MSI2: variants seen among roughly 807,000 people sequenced by gnomAD.
MSI2 encodes the protein musashi RNA binding protein 2.
MSI2 carries 17 observed loss-of-function variants against 45.6 expected under a neutral mutation model. The ratio of observed to expected loss-of-function variants is 0.37; its 90% CI spans 0.26 to 0.56. MSI2 has a LOEUF of 0.56. MSI2 is among the 20% of genes least tolerant of loss of function. The pLI is 0.77. For missense variants in MSI2, 293 were observed against 444.2 expected (o/e 0.66, Z 3.06); for synonymous variants, 156 against 158.2 (o/e 0.99, Z 0.11).
intron 11 of MSI2, among the ~76,000 whole-genome samples, chr17:57,668,803 AT>A (rs1206082622): frequency 6.6e-6 from 1 of 152,130 alleles, no homozygotes; most frequent in African/African-American, 2.4e-5. Context: ...GTTTTAAAGT[AT>A]TTTCCCCCTT....
chr17:57,423,401 T>G (rs2143311948), intron 6 of MSI2, among the ~76,000 whole-genome samples: 1 of 152,372 alleles, frequency 6.6e-6, no homozygotes, highest in Non-Finnish European at 1.5e-5. Flanking sequence ...CTCGTCTTAC[T>G]TCTCTGGGCC....
intron 5 of MSI2, among the ~76,000 whole-genome samples, chr17:57,335,523 C>G (rs945034915): frequency 6.6e-6 from 1 of 152,164 alleles, no homozygotes; most frequent in Admixed American, 6.5e-5. Flanking sequence ...GGATGCAAAG[C>G]CAAGTGTTGA....
chr17:57,451,222 C>T (rs545100560), intron 6 of MSI2, among the ~76,000 whole-genome samples: 29 of 152,168 alleles, frequency 1.9e-4, no homozygotes, highest in Admixed American at 3.3e-4. Flanking sequence ...GAACTCTCTG[C>T]GAGACATCTG....
intron 6 of MSI2, among the ~76,000 whole-genome samples, chr17:57,406,580 C>G (rs894414537): frequency 1.3e-5 from 2 of 152,156 alleles, no homozygotes; most frequent in African/African-American, 4.8e-5. Context: ...GCAAAGCAGC[C>G]CGCATTTGGA....
intron 10 of MSI2, chr17:57,628,615 G>A (rs1909036966): frequency 1.3e-5 from 2 of 152,470 alleles, no homozygotes. Context: ...AATGGTCTTT[G>A]GGGTCTGTGC....
At chr17:57,476,055 G>A (rs1273532779) in intron 6 of MSI2, among the ~76,000 whole-genome samples, 1 of 152,154 alleles carries the variant, frequency 6.6e-6, no homozygotes, top group Admixed American at 6.5e-5. Context: ...GCTGCAGAAT[G>A]GTGTGTAATC....
At chr17:57,399,516 G>A (rs551179870) in intron 5 of MSI2, among the ~76,000 whole-genome samples, 2 of 150,700 alleles carry the variant, frequency 1.3e-5, no homozygotes, top group South Asian at 2.2e-4. Context: ...CGAGCTCCAA[G>A]TTTGGGGTCA....
intron 5 of MSI2, chr17:57,268,398 C>T (rs369068367): frequency 6.6e-6 from 1 of 152,160 alleles, no homozygotes; most frequent in Non-Finnish European, 1.5e-5. Flanking sequence ...AGTCAGTTGC[C>T]ACTTTCAGTA....
intron 5 of MSI2, among the ~76,000 whole-genome samples, chr17:57,352,650 A>G (rs792386): frequency 0.49 from 75,176 of 152,144 alleles, 21,746 homozygotes; most frequent in African/African-American, 0.82. Flanking sequence ...GTAGGGTCAG[A>G]GGAATAAATA....
chr17:57,345,451 A>G (rs1915521766), intron 5 of MSI2, among the ~76,000 whole-genome samples: 1 of 152,180 alleles, frequency 6.6e-6, no homozygotes, highest in South Asian at 2.1e-4. Flanking sequence ...AGATAAACAG[A>G]TATATGTATA....
intron 6 of MSI2, among the ~76,000 whole-genome samples, chr17:57,414,198 C>T (rs565524084): frequency 6.6e-6 from 1 of 152,134 alleles, no homozygotes; most frequent in East Asian, 1.9e-4. Context: ...TGTGTAGTCT[C>T]TTTGCCTTGA....
At chr17:57,614,434 A>G (rs905575435) in intron 8 of MSI2, among the ~76,000 whole-genome samples, 9 of 152,202 alleles carry the variant, frequency 5.9e-5, no homozygotes, top group Non-Finnish European at 1.2e-4. Context: ...GAACAATAGC[A>G]ATTTTCTGTG....
chr17:57,638,457 A>T (rs1356287648), intron 10 of MSI2, among the ~76,000 whole-genome samples: 2 of 152,146 alleles, frequency 1.3e-5, no homozygotes, highest in Non-Finnish European at 2.9e-5. Flanking sequence ...GTGCGGCCAG[A>T]TGTGTTCCTG....
chr17:57,393,869 A>G (rs2083841338), intron 5 of MSI2, among the ~76,000 whole-genome samples: 3 of 152,034 alleles, frequency 2.0e-5, no homozygotes, highest in African/African-American at 4.8e-5. Flanking sequence ...TTTAGTAGAG[A>G]TGGGGTTTTG....
Position 57,637,424 on chromosome 17 carries a change from G to A in MSI2, c.727+10121G>A, listed in dbSNP as rs560544312. Among the ~76,000 whole-genome samples, 62 of 152,270 alleles carry A rather than the reference G, an allele frequency of 4.1e-4. 1 individual carries two copies. Among genetic ancestry groups the A allele is most frequent in the African/African-American group, 1.1e-3 (44 of 41,534 alleles). ...GGTGCCTAATAGGCACTTAATAAACGTTTGCAGAAATGAATTGGAGCAATC... is the reference window on the plus strand; with the variant it reads ...GGTGCCTAATAGGCACTTAATAAACATTTGCAGAAATGAATTGGAGCAATC... On this transcript the variant is annotated intron_variant, in intron 10 of 13. Coordinates refer to ENST00000284073, the MANE Select transcript of MSI2 (RefSeq NM_138962.4).
intron 8 of MSI2, among the ~76,000 whole-genome samples, chr17:57,614,047 T>C (rs533511037): frequency 3.3e-5 from 5 of 152,066 alleles, no homozygotes; most frequent in Non-Finnish European, 4.4e-5. Flanking sequence ...TATTTTCGTT[T>C]TATTTATTTT....
At chr17:57,687,738 T>G (rs567643737), downstream of MSI2, among the ~76,000 whole-genome samples, 6 of 152,204 alleles carry the variant, frequency 3.9e-5, no homozygotes, top group Admixed American at 3.3e-4. Context: ...ACACATGGCT[T>G]TGCTGTCAAA....
rs569688492 is a variant in MSI2, at chr17:57,274,586, T to C, written c.312+12394T>C. The C allele has an allele frequency of 3.3e-5, 5 of 152,336 alleles. No homozygotes were observed. In the East Asian group the frequency reaches 9.6e-4, roughly 29 times the overall value. 9.4% of individuals were successfully genotyped at this position (152,336 alleles called of 1,614,324 possible). ...CTCCGTGCCTGCCTTACGTAGTAGT[T>C]GGAGAACGCTAAGTACTGCTGTCTT... On this transcript the variant is annotated intron_variant, in intron 5 of 13. Coordinates refer to ENST00000284073, the MANE Select transcript of MSI2 (RefSeq NM_138962.4).
chr17:57,365,665 CCAGAAGACCCAA>C (rs1246635646), intron 5 of MSI2, among the ~76,000 whole-genome samples: 2 of 151,954 alleles, frequency 1.3e-5, no homozygotes, highest in Non-Finnish European at 2.9e-5. Context: ...GCTCAGTGTA[CCAGAAGACCCAA>C]TAGAAGGCCA....
Sources: gnomAD v4.1 joint callset for allele counts (sites outside exome capture counted in the v4.1 genomes callset) on GRCh38, gnomAD v4.1.1 for gene constraint, MANE v1.5 for transcripts, NCBI Gene and HGNC (gene_info 2026-07-23, HGNC 2026-07-21) for gene names.